Variants in SLC44A1 observed in about 807,000 individuals in gnomAD.
SLC44A1 encodes the protein solute carrier family 44 member 1, also known as choline transporter-like protein 1.
In SLC44A1, 26 loss-of-function variants were observed where a neutral mutation model predicts 79.3. That is an observed-to-expected ratio of 0.33 (90% CI 0.24 to 0.46). The LOEUF is 0.46. Among genes scored for constraint, SLC44A1 ranks in the 20% least tolerant of loss-of-function variants. The pLI is 1.00. For synonymous variants in SLC44A1, 263 were observed against 286.2 expected (o/e 0.92, Z 0.82); for missense variants, 688 against 798.1 (o/e 0.86, Z 1.66).
At chr9:105,249,737 G>C (rs933018768) in intron 1 of SLC44A1, among the ~76,000 whole-genome samples, 24 of 149,436 alleles carry the variant, frequency 1.6e-4, no homozygotes, top group African/African-American at 6.0e-4. Flanking sequence ...TTTTCACCAT[G>C]TTGGCCAGGG....
In SLC44A1 at chr9:105,392,963, AAAAC is replaced by A; in HGVS notation, c.*3910_*3913del. ...GCTTTTCTACTGCTACTTTAAAAAA[AAAAC>A]AACAACAACAAATAAAACTCTCAGA... On this transcript the variant is annotated 3_prime_UTR_variant, in exon 16 of 16. Coordinates refer to ENST00000374720, the MANE Select transcript of SLC44A1 (RefSeq NM_080546.5). The A allele has an allele frequency of 1.0e-6, 1 of 983,996 alleles. No individual in the cohort carries two copies. 61.0% of individuals were successfully genotyped at this position (983,996 alleles called of 1,614,324 possible).
At chr9:105,356,743 A>T (rs1431624296) in intron 6 of SLC44A1, among the ~76,000 whole-genome samples, 1 of 152,164 alleles carries the variant, frequency 6.6e-6, no homozygotes, top group Non-Finnish European at 1.5e-5. Flanking sequence ...GAGGCGACAT[A>T]TTCTCTTATA....
At chr9:105,410,572 T>G (rs1407986692) in intron 15 of SLC44A1, among the ~76,000 whole-genome samples, 1 of 152,102 alleles carries the variant, frequency 6.6e-6, no homozygotes, top group African/African-American at 2.4e-5. Flanking sequence ...CAATAAGAAG[T>G]GTTGACGAGA....
intron 1 of SLC44A1, among the ~76,000 whole-genome samples, chr9:105,282,698 G>A (rs7030205): frequency 0.01 from 1,559 of 152,116 alleles, 12 homozygotes; most frequent in African/African-American, 0.026. Flanking sequence ...ACAGGCGTGC[G>A]CCACCATGCC....
At chr9:105,359,141 A>C (rs1588829396) in intron 7 of SLC44A1, among the ~76,000 whole-genome samples, 1 of 152,268 alleles carries the variant, frequency 6.6e-6, no homozygotes, top group East Asian at 1.9e-4. Context: ...TTGCCTTAAA[A>C]ACTTTTATAA....
At chr9:105,280,087 A>G (rs1367846549) in intron 1 of SLC44A1, among the ~76,000 whole-genome samples, 3 of 152,252 alleles carry the variant, frequency 2.0e-5, no homozygotes, top group Admixed American at 6.5e-5. Context: ...TACAAAAACT[A>G]GAATATTGAG....
intron 1 of SLC44A1, among the ~76,000 whole-genome samples, chr9:105,256,664 G>C (rs567680418): frequency 1.3e-4 from 19 of 151,610 alleles, no homozygotes; most frequent in African/African-American, 3.4e-4. Flanking sequence ...CTGGGCTCAA[G>C]CTATCCTCCT....
At position 105,377,038 on chromosome 9, in the gene SLC44A1, C is replaced by A. The variant is rs528439981; in HGVS notation, c.1632+2303C>A. 1.6e-3 allele frequency among the ~76,000 whole-genome samples: 250 copies of A among 152,156 alleles called. 2 individuals carry two copies. The highest frequency in any genetic ancestry group is 5.9e-3 in the African/African-American group (243 of 41,508). ...GCCTTTTTAAAAATTTTTTTAAAAG[C>A]CTTTTGACTCAGTAATTCTGAGTCA... On this transcript the variant is annotated intron_variant, in intron 13 of 15. Coordinates refer to ENST00000374720, the MANE Select transcript of SLC44A1 (RefSeq NM_080546.5).
downstream of SLC44A1, among the ~76,000 whole-genome samples, chr9:105,397,623 C>A (rs1828900487): frequency 1.3e-5 from 2 of 152,170 alleles, no homozygotes; most frequent in Non-Finnish European, 1.5e-5. Flanking sequence ...AAGATTGCAA[C>A]TGAACTCAAT....
intron 15 of SLC44A1, among the ~76,000 whole-genome samples, chr9:105,428,247 ATT>A (rs1829347971): frequency 1.3e-5 from 2 of 152,182 alleles, no homozygotes; most frequent in South Asian, 2.1e-4. Flanking sequence ...TTAAAAAATT[ATT>A]TTCTTTTATA....
At chr9:105,420,550 G>GT (rs1369514468) in intron 15 of SLC44A1, among the ~76,000 whole-genome samples, 12 of 149,004 alleles carry the variant, frequency 8.1e-5, no homozygotes, top group Non-Finnish European at 1.6e-4. Flanking sequence ...TTATGAGTCA[G>GT]TGCCAAGCTT....
At position 105,278,848 on chromosome 9, in the gene SLC44A1, G is replaced by A. The variant is rs138409619; in HGVS notation, c.37-20372G>A. On this transcript the variant is annotated intron_variant, in intron 1 of 15. Coordinates refer to ENST00000374720, the MANE Select transcript of SLC44A1 (RefSeq NM_080546.5). Reference sequence around the variant, plus strand: ...TTTAAGGTCATCTTATATTGCCAAGGCTTTCTCTTTAATCATGAGAAAACT... The same window carrying A: ...TTTAAGGTCATCTTATATTGCCAAGACTTTCTCTTTAATCATGAGAAAACT... 1.9e-3 allele frequency among the ~76,000 whole-genome samples: 283 copies of A among 152,188 alleles called. 1 individual carries two copies. Among genetic ancestry groups the A allele is most frequent in the Admixed American group, 2.0e-3 (31 of 15,290 alleles).
intron 2 of SLC44A1, among the ~76,000 whole-genome samples, chr9:105,300,997 T>C (rs1830863609): frequency 6.6e-6 from 1 of 152,106 alleles, no homozygotes. Flanking sequence ...CTCAAACTCC[T>C]GACCTCAGGT....
At chr9:105,327,331 G>A (rs1404650054) in intron 3 of SLC44A1, among the ~76,000 whole-genome samples, 1 of 152,024 alleles carries the variant, frequency 6.6e-6, no homozygotes, top group Non-Finnish European at 1.5e-5. Context: ...CACCCAGGCT[G>A]GAGTACAGTG....
At chr9:105,270,927 T>G (rs1044342998) in intron 1 of SLC44A1, among the ~76,000 whole-genome samples, 2 of 152,256 alleles carry the variant, frequency 1.3e-5, no homozygotes, top group Admixed American at 6.5e-5. Flanking sequence ...GACAGGCGTT[T>G]CTGAACAAAG....
chr9:105,364,523 GCTT>G (rs1020689050), intron 9 of SLC44A1, 29 bp from the exon 10 acceptor site: 1 of 1,584,044 alleles, frequency 6.3e-7, no homozygotes, highest in African/African-American at 1.4e-5. Context: ...TACTTTATGT[GCTT>G]CTTCTTTCCT....
At chr9:105,361,943 CGGGAGGCAGAGGT>C (rs995577248) in intron 8 of SLC44A1, among the ~76,000 whole-genome samples, 2 of 152,096 alleles carry the variant, frequency 1.3e-5, no homozygotes, top group African/African-American at 4.8e-5. Flanking sequence ...CCCAGCTACT[CGGGAGGCAGAGGT>C]GGGAGGGTCA....
At position 105,392,891 on chromosome 9, in the gene SLC44A1, C is replaced by T. The variant is rs1448166809; in HGVS notation, c.*3835C>T. 1 of 985,116 alleles carries T rather than the reference C, an allele frequency of 1.0e-6. No homozygotes were observed. The highest frequency in any genetic ancestry group is 1.2e-6 in the Non-Finnish European group (1 of 829,794). 61.0% of individuals were successfully genotyped at this position (985,116 alleles called of 1,614,324 possible). The stretch of plus-strand genomic sequence containing the variant: ...AACATGGCCTCTGAGAAGTTTCCTC[C>T]AGAAAGGTCTTTAAGCTTTCGCTTT... On this transcript the variant is annotated 3_prime_UTR_variant, in exon 16 of 16. Coordinates refer to ENST00000374720, the MANE Select transcript of SLC44A1 (RefSeq NM_080546.5).
chr9:105,392,014 AG>A lies in SLC44A1; in HGVS notation c.*2960del. 1.0e-6 allele frequency: 1 copy of A among 985,366 alleles called. No individual in the cohort carries two copies. The highest frequency in any genetic ancestry group is 1.2e-6 in the Non-Finnish European group (1 of 829,884). The allele number at this position is 985,366 out of a possible 1,614,324, so 61.0% of individuals were successfully genotyped here. Reference sequence around the variant, plus strand: ...TTTCTAAGCTCCTGCCTGAAGAATAAGGTCTTCCATAATATGGAAGAGAAAA... The same window carrying A: ...TTTCTAAGCTCCTGCCTGAAGAATAAGTCTTCCATAATATGGAAGAGAAAA... On this transcript the variant is annotated 3_prime_UTR_variant, in exon 16 of 16. Coordinates refer to ENST00000374720, the MANE Select transcript of SLC44A1 (RefSeq NM_080546.5).
Sources: gnomAD v4.1 joint callset for allele counts (sites outside exome capture counted in the v4.1 genomes callset) on GRCh38, gnomAD v4.1.1 for gene constraint, MANE v1.5 for transcripts, NCBI Gene and HGNC (gene_info 2026-07-23, HGNC 2026-07-21) for gene names.